Variants in LAMA1 observed in about 807,000 individuals in gnomAD.
The protein encoded by LAMA1 is laminin subunit alpha 1.
A neutral mutation model predicts 348.7 loss-of-function variants in LAMA1; 219 were observed. The ratio of observed to expected loss-of-function variants is 0.63; its 90% CI spans 0.56 to 0.70. LAMA1 has a LOEUF of 0.70. Ranked by LOEUF, LAMA1 falls within the 30% of genes least tolerant of loss-of-function variation. The pLI is 0.00. For missense variants in LAMA1, 3,744 were observed against 3,888.0 expected, an observed-to-expected ratio of 0.96 and a Z score of 0.99; for synonymous variants, 1,487 against 1,491.0, an observed-to-expected ratio of 1.00 and a Z score of 0.06.
At chr18:6,959,269 G>T (rs955906233) in intron 54 of LAMA1, 72 bp downstream of exon 54, 30 of 1,604,298 alleles carry the variant, frequency 1.9e-5, no homozygotes, top group Non-Finnish European at 2.5e-5. Context: ...GGGCACCACC[G>T]CAAGGTTCCT....
At chr18:7,012,796 T>C (rs1355491906) in intron 23 of LAMA1, among the ~76,000 whole-genome samples, 2 of 149,308 alleles carry the variant, frequency 1.3e-5, no homozygotes, top group Non-Finnish European at 3.0e-5. Flanking sequence ...TGAGCCACCG[T>C]GCTTGGCCCA....
At chr18:6,977,696 A>C (rs2057688628) in intron 44 of LAMA1, 31 bp downstream of exon 44, 2 of 1,613,454 alleles carry the variant, frequency 1.2e-6, no homozygotes, top group East Asian at 4.5e-5. Flanking sequence ...CTGAGAGCCC[A>C]GTTACGAAAG....
chr18:7,003,514 T>C (rs573072938), intron 29 of LAMA1, among the ~76,000 whole-genome samples: 33 of 152,286 alleles, frequency 2.2e-4, no homozygotes, highest in African/African-American at 7.7e-4. Context: ...CGCCTCGGCC[T>C]CCCAAAGTGC....
At chr18:7,012,224 A>G in intron 23 of LAMA1, 86 bp from the exon 24 acceptor site, 2 of 1,398,344 alleles carry the variant, frequency 1.4e-6, no homozygotes, top group Admixed American at 1.8e-5. Flanking sequence ...GAGCACAAAC[A>G]TAATTTTAAA....
intron 1 of LAMA1, among the ~76,000 whole-genome samples, chr18:7,083,616 T>C (rs1200781658): frequency 1.3e-5 from 2 of 152,236 alleles, no homozygotes; most frequent in Non-Finnish European, 2.9e-5. Flanking sequence ...ATTTGGGTTG[T>C]CTTTCACTAA....
intron 1 of LAMA1, among the ~76,000 whole-genome samples, chr18:7,085,770 C>G (rs2058214898): frequency 6.6e-6 from 1 of 152,128 alleles, no homozygotes; most frequent in Admixed American, 6.5e-5. Flanking sequence ...ATAATTTGAT[C>G]AGAGAAGTCT....
intron 44 of LAMA1, among the ~76,000 whole-genome samples, chr18:6,977,198 A>T (rs1274586716): frequency 6.6e-6 from 1 of 152,212 alleles, no homozygotes; most frequent in Non-Finnish European, 1.5e-5. Context: ...TCATGTGTGA[A>T]CTGCTCCAGG....
At chr18:7,080,606 T>C (rs933374590) in intron 1 of LAMA1, 149 bp from the exon 2 acceptor site, 2 of 843,558 alleles carry the variant, frequency 2.4e-6, no homozygotes, top group African/African-American at 1.7e-5. Flanking sequence ...ATACGCAGCA[T>C]GGTTTCATCT....
intron 59 of LAMA1, among the ~76,000 whole-genome samples, 198 bp downstream of exon 59, chr18:6,948,903 C>G (rs1454727988): frequency 6.6e-6 from 1 of 152,170 alleles, no homozygotes; most frequent in Non-Finnish European, 1.5e-5. Context: ...CATTAACTAA[C>G]AGGCTGGAAA....
chr18:7,008,048 T>C (rs2057841257), intron 28 of LAMA1, among the ~76,000 whole-genome samples: 1 of 152,120 alleles, frequency 6.6e-6, no homozygotes, highest in Non-Finnish European at 1.5e-5. Flanking sequence ...TTCTCCTGCC[T>C]CAGCCTCCTG....
At chr18:7,060,902 T>A (rs554008002) in intron 3 of LAMA1, among the ~76,000 whole-genome samples, 1 of 152,246 alleles carries the variant, frequency 6.6e-6, no homozygotes, top group South Asian at 2.1e-4. Context: ...ATGCCTGTAA[T>A]CCCAGCACTT....
intron 48 of LAMA1, among the ~76,000 whole-genome samples, chr18:6,970,886 T>C (rs1336981099): frequency 6.6e-6 from 1 of 152,210 alleles, no homozygotes; most frequent in Non-Finnish European, 1.5e-5. Flanking sequence ...GTGCTGGGAT[T>C]ACAGGCGTGA....
chr18:7,098,194 C>G (rs1403801915), intron 1 of LAMA1, among the ~76,000 whole-genome samples: 1 of 151,962 alleles, frequency 6.6e-6, no homozygotes, highest in Non-Finnish European at 1.5e-5. Flanking sequence ...GATCTCGGCT[C>G]GCTACAACCT....
intron 28 of LAMA1, among the ~76,000 whole-genome samples, chr18:7,007,868 G>C (rs2057839796): frequency 6.6e-6 from 1 of 152,004 alleles, no homozygotes; most frequent in African/African-American, 2.4e-5. Context: ...ATTATGCTAA[G>C]TGAAACAAGC....
At chr18:6,996,840 T>C (rs2057783450) in intron 33 of LAMA1, among the ~76,000 whole-genome samples, 3 of 152,090 alleles carry the variant, frequency 2.0e-5, no homozygotes, top group Admixed American at 6.6e-5. Flanking sequence ...AGTAGGATGC[T>C]GTCTACTAAG....
intron 41 of LAMA1, among the ~76,000 whole-genome samples, chr18:6,982,043 T>TTAATTTAA (rs2057714128): frequency 6.6e-6 from 1 of 152,208 alleles, no homozygotes; most frequent in Non-Finnish European, 1.5e-5. Flanking sequence ...CAATTAGGAT[T>TTAATTTAA]TAATTTAATG....
chr18:6,947,114 G>T (rs2057525102), intron 61 of LAMA1, 49 bp downstream of exon 61: 2 of 1,612,844 alleles, frequency 1.2e-6, no homozygotes, highest in Non-Finnish European at 1.7e-6. Flanking sequence ...CAATTGCTCT[G>T]TCTCTGACAC....
intron 3 of LAMA1, among the ~76,000 whole-genome samples, chr18:7,076,148 A>G (rs530578938): frequency 6.6e-6 from 1 of 152,286 alleles, no homozygotes; most frequent in Non-Finnish European, 1.5e-5. Context: ...GCTAATGGCT[A>G]AGGAAACATG....
At chr18:7,018,151 C>T (rs569881785) in intron 19 of LAMA1, among the ~76,000 whole-genome samples, 4 of 151,854 alleles carry the variant, frequency 2.6e-5, no homozygotes, top group East Asian at 4.0e-4. Flanking sequence ...GCCTGGCCAA[C>T]GTGGTGAAAC....
Sources: allele counts gnomAD v4.1 joint callset (sites outside exome capture counted in the v4.1 genomes callset), GRCh38; gene constraint gnomAD v4.1.1; transcripts MANE v1.5; gene names NCBI Gene and HGNC (gene_info 2026-07-23, HGNC 2026-07-21).